Variants in DDAH1 observed in about 807,000 individuals in gnomAD.
DDAH1 encodes N(G),N(G)-dimethylarginine dimethylaminohydrolase 1.
DDAH1 carries 19 observed loss-of-function variants against 28.8 expected under a neutral mutation model. The ratio of observed to expected loss-of-function variants is 0.66; its 90% CI spans 0.46 to 0.97. DDAH1 has a LOEUF of 0.97. Among genes scored for constraint, DDAH1 ranks in the 50% least tolerant of loss-of-function variants. The pLI, the probability that DDAH1 is intolerant of heterozygous loss-of-function variation, is 0.00. For missense variants in DDAH1, 326 were observed against 375.9 expected (o/e 0.87, Z 1.10); for synonymous variants, 153 against 154.4 (o/e 0.99, Z 0.07).
At chr1:85,570,634 A>G (rs1659428242) in intron 1 of DDAH1, among the ~76,000 whole-genome samples, 1 of 152,168 alleles carries the variant, frequency 6.6e-6, no homozygotes, top group Non-Finnish European at 1.5e-5. Flanking sequence ...CATATGTCTA[A>G]ATCATTCTGC....
At chr1:85,400,654 T>G (rs185318557) in intron 1 of DDAH1, among the ~76,000 whole-genome samples, 1 of 152,238 alleles carries the variant, frequency 6.6e-6, no homozygotes, top group East Asian at 1.9e-4. Flanking sequence ...CAGGAAGAAA[T>G]TTTTCTCTGA....
intron 1 of DDAH1, among the ~76,000 whole-genome samples, chr1:85,404,832 GTT>G (rs1652331328): frequency 6.6e-6 from 1 of 152,160 alleles, no homozygotes; most frequent in Non-Finnish European, 1.5e-5. Flanking sequence ...TATATGTACT[GTT>G]CTCACTGACC....
At chr1:85,556,852 C>T (rs1249163284) in intron 1 of DDAH1, among the ~76,000 whole-genome samples, 1 of 152,202 alleles carries the variant, frequency 6.6e-6, no homozygotes. Context: ...CATAGTGGCT[C>T]ACGCCTGTAA....
At chr1:85,508,847 C>T (rs1335228804) in intron 1 of DDAH1, among the ~76,000 whole-genome samples, 2 of 152,230 alleles carry the variant, frequency 1.3e-5, no homozygotes, top group Non-Finnish European at 2.9e-5. Flanking sequence ...CCCACTGCAG[C>T]TCAACAAGGC....
chr1:85,537,280 G>C (rs1434001574), intron 1 of DDAH1, among the ~76,000 whole-genome samples: 2 of 151,648 alleles, frequency 1.3e-5, no homozygotes, highest in East Asian at 3.9e-4. Flanking sequence ...GTTGCAGTGA[G>C]CTGAGATTGC....
chr1:85,488,615 T>A (rs1213503470), intron 2 of DDAH1, among the ~76,000 whole-genome samples: 1 of 152,182 alleles, frequency 6.6e-6, no homozygotes, highest in East Asian at 1.9e-4. Flanking sequence ...CATATAGACA[T>A]ATAAAGAGCT....
At chr1:85,524,958 C>T (rs543590) in intron 1 of DDAH1, among the ~76,000 whole-genome samples, 1,194 of 42,200 alleles carry the variant, frequency 0.028, 62 homozygotes, top group South Asian at 0.048. Flanking sequence ...TGGGCACCTA[C>T]GGAGAAACAG....
intron 2 of DDAH1, among the ~76,000 whole-genome samples, chr1:85,476,077 G>C (rs1352427233): frequency 6.6e-6 from 1 of 152,114 alleles, no homozygotes; most frequent in African/African-American, 2.4e-5. Context: ...GCCCAGGCTG[G>C]TCTCAAACTC....
chr1:85,418,868 T>C (rs1347843796), intron 1 of DDAH1, among the ~76,000 whole-genome samples: 2 of 152,126 alleles, frequency 1.3e-5, no homozygotes, highest in Non-Finnish European at 2.9e-5. Context: ...GAGTACAGAT[T>C]ATAGGTCAGG....
At chr1:85,448,544 AT>A (rs1275198169) in intron 1 of DDAH1, among the ~76,000 whole-genome samples, 1 of 152,172 alleles carries the variant, frequency 6.6e-6, no homozygotes, top group Non-Finnish European at 1.5e-5. Context: ...ATCCACATAA[AT>A]GAGCGGTGTC....
intron 1 of DDAH1, among the ~76,000 whole-genome samples, chr1:85,403,871 A>G (rs1652273354): frequency 6.6e-6 from 1 of 152,224 alleles, no homozygotes. Context: ...AAATAATTCA[A>G]TGGGTAGAAC....
intron 1 of DDAH1, among the ~76,000 whole-genome samples, chr1:85,528,583 A>G (rs1397290938): frequency 6.6e-6 from 1 of 151,948 alleles, no homozygotes; most frequent in East Asian, 1.9e-4. Context: ...GAAGACAGAC[A>G]TGCAATCCCT....
chr1:85,432,942 A>C (rs1274572813), intron 1 of DDAH1, among the ~76,000 whole-genome samples: 1 of 152,110 alleles, frequency 6.6e-6, no homozygotes, highest in Non-Finnish European at 1.5e-5. Context: ...ATAATTCTCC[A>C]TTTTAGTTTT....
chr1:85,549,065 T>C (rs1406853239), intron 1 of DDAH1, among the ~76,000 whole-genome samples: 1 of 152,176 alleles, frequency 6.6e-6, no homozygotes, highest in Non-Finnish European at 1.5e-5. Context: ...TTGAAACATT[T>C]TTGTATTATG....
chr1:85,358,513 G>T (rs1167728586), intron 2 of DDAH1, among the ~76,000 whole-genome samples: 36 of 152,170 alleles, frequency 2.4e-4, no homozygotes, highest in Admixed American at 2.4e-3. Context: ...GCTGGGCATG[G>T]TGGCACACAC....
At chr1:85,385,608 A>C (rs973970040) in intron 1 of DDAH1, among the ~76,000 whole-genome samples, 1 of 152,150 alleles carries the variant, frequency 6.6e-6, no homozygotes, top group Non-Finnish European at 1.5e-5. Context: ...TGGCAGGAAG[A>C]TGGTATAGGA....
intron 2 of DDAH1, chr1:85,488,418 C>A (rs1656277730): frequency 6.6e-6 from 1 of 152,122 alleles, no homozygotes; most frequent in Non-Finnish European, 1.5e-5. Context: ...AACCAGCAAG[C>A]TTTCTGGCAT....
chr1:85,471,505 A>G (rs929529697), intron 2 of DDAH1, among the ~76,000 whole-genome samples: 2 of 152,268 alleles, frequency 1.3e-5, no homozygotes, highest in South Asian at 4.1e-4. Flanking sequence ...ATTGATGTGT[A>G]AAGTGGGAGT....
chr1:85,411,496 CCTT>C (rs765048283), intron 1 of DDAH1, among the ~76,000 whole-genome samples: 4 of 151,668 alleles, frequency 2.6e-5, no homozygotes, highest in African/African-American at 2.4e-5. Flanking sequence ...GCTGTGCTGT[CCTT>C]CTGTCTTCTA....
Sources: allele counts gnomAD v4.1 joint callset (sites outside exome capture counted in the v4.1 genomes callset), GRCh38; gene constraint gnomAD v4.1.1; transcripts MANE v1.5; gene names NCBI Gene and HGNC (gene_info 2026-07-23, HGNC 2026-07-21).